Variants in NADK2 observed in about 807,000 individuals in gnomAD.
The protein encoded by NADK2 is NAD kinase domain-containing protein 1, mitochondrial.
In NADK2, 35 loss-of-function variants were observed where a neutral mutation model predicts 62.1. The ratio of observed to expected loss-of-function variants is 0.56; its 90% confidence interval spans 0.43 to 0.75. The LOEUF (loss-of-function observed/expected upper bound fraction) is 0.75. NADK2 is among the 30% of genes least tolerant of loss of function. The pLI, the probability that NADK2 is intolerant of heterozygous loss-of-function variation, is 0.00. For missense variants in NADK2, 439 were observed against 561.3 expected, an observed-to-expected ratio of 0.78 and a Z score of 2.20; for synonymous variants, 205 against 207.9, an observed-to-expected ratio of 0.99 and a Z score of 0.12.
At chr5:36,233,371 C>T (rs918039996) in intron 1 of NADK2, among the ~76,000 whole-genome samples, 1 of 152,146 alleles carries the variant, frequency 6.6e-6, no homozygotes, top group Non-Finnish European at 1.5e-5. Flanking sequence ...TCACCCAATT[C>T]CTATGGAGAA....
chr5:36,229,071 G>C (rs1747607720), intron 1 of NADK2, among the ~76,000 whole-genome samples: 1 of 152,058 alleles, frequency 6.6e-6, no homozygotes. Flanking sequence ...CATATTTAAA[G>C]AAAATTGAAA....
chr5:36,237,965 G>A (rs1304993562), intron 1 of NADK2, among the ~76,000 whole-genome samples: 1 of 152,140 alleles, frequency 6.6e-6, no homozygotes, highest in Admixed American at 6.5e-5. Flanking sequence ...GGGAGCTTCT[G>A]TGGAGTTCCA....
intron 6 of NADK2, chr5:36,212,317 G>A (rs1205043983): frequency 6.5e-6 from 1 of 153,334 alleles, no homozygotes; most frequent in Non-Finnish European, 1.5e-5. Flanking sequence ...TGCATGGCTT[G>A]GATGATGGAA....
chr5:36,197,432 T>G, intron 11 of NADK2, 109 bp downstream of exon 11: 1 of 1,417,458 alleles, frequency 7.1e-7, no homozygotes, highest in South Asian at 1.2e-5. Context: ...TCCTGCTAGA[T>G]TAAGTTTGAA....
rs1384736246 is a variant in NADK2 at position 36,207,985 on chromosome 5, T to C, written c.861-720A>G. On this transcript the variant is annotated intron_variant, in intron 7 of 11. Transcript: ENST00000381937. ...TGATTTGTAACTATTCAAAGAACTT[T>C]TGCAATGTCTAAAAGCCTATTTTGT... 2.0e-5 allele frequency among the ~76,000 whole-genome samples: 3 copies of C among 152,160 alleles called. No individual in the cohort carries two copies. The East Asian group carries it at 5.8e-4, about 29-fold the overall frequency.
In NADK2 at chr5:36,227,503, A is replaced by C. The variant is rs1482987950; in HGVS notation, c.363T>G (p.Asn121Lys). Residue 121 changes from asparagine (N) to lysine (K), a missense_variant, in exon 2 of 12, where the codon AAT becomes AAG. Asn to Lys is a moderately conservative substitution (Grantham distance 94). Transcript: ENST00000381937. ...LLERHHIHTK[N>K]VEHIIDSLRN... The stretch of plus-strand genomic sequence containing the variant: ...GTAAACTATCTATAATATGTTCTAC[A>C]TTTTTGGTGTGAATATGATGTCGTT... 2.6e-6 allele frequency: 4 copies of C among 1,549,946 alleles called. No homozygotes were observed. The highest frequency in any genetic ancestry group is 3.4e-4 in the Middle Eastern group (2 of 5,954).
At chr5:36,233,062 A>G (rs1410210016) in intron 1 of NADK2, among the ~76,000 whole-genome samples, 1 of 152,138 alleles carries the variant, frequency 6.6e-6, no homozygotes, top group African/African-American at 2.4e-5. Flanking sequence ...CTCACACTCA[A>G]TGTCCACAGC....
At chr5:36,229,141 C>T in intron 1 of NADK2, among the ~76,000 whole-genome samples, 1 of 152,174 alleles carries the variant, frequency 6.6e-6, no homozygotes, top group East Asian at 1.9e-4. Context: ...CTACCTTCCC[C>T]ATCTTTTGCC....
chr5:36,221,225 G>A (rs569033710), intron 4 of NADK2: 1 of 152,270 alleles, frequency 6.6e-6, no homozygotes, highest in East Asian at 1.9e-4. Flanking sequence ...CAGAAGAGAT[G>A]GATAGAAATT....
chr5:36,236,867 C>CAAAAAAAA (rs5867308), intron 1 of NADK2, among the ~76,000 whole-genome samples: 1 of 95,706 alleles, frequency 1.0e-5, no homozygotes, highest in Non-Finnish European at 2.0e-5. Context: ...AGCTTAACCT[C>CAAAAAAAA]AAAAAAAAAA....
At chr5:36,201,060 C>G in intron 9 of NADK2, 46 bp downstream of exon 9, 1 of 1,545,870 alleles carries the variant, frequency 6.5e-7, no homozygotes, top group East Asian at 2.2e-5. Context: ...GAACTTGTCC[C>G]CTGCGGATAA....
At chr5:36,224,833 C>T (rs1467834202) in intron 4 of NADK2, among the ~76,000 whole-genome samples, 2 of 151,938 alleles carry the variant, frequency 1.3e-5, no homozygotes, top group East Asian at 1.9e-4. Context: ...GTAAATATCA[C>T]GAAGCTAAGG....
At chr5:36,211,617 A>G (rs1304100343) in intron 7 of NADK2, among the ~76,000 whole-genome samples, 1 of 152,126 alleles carries the variant, frequency 6.6e-6, no homozygotes, top group African/African-American at 2.4e-5. Context: ...ACAGTACAAT[A>G]ACTTTATTTA....
At chr5:36,217,905 G>A (rs1344698175) in intron 5 of NADK2, 21 bp from the exon 6 acceptor site, 1 of 1,605,582 alleles carries the variant, frequency 6.2e-7, no homozygotes, top group Non-Finnish European at 8.5e-7. Context: ...TGAAGAAAAG[G>A]CAAATTATGT....
chr5:36,228,533 T>A (rs1288998911), intron 1 of NADK2, among the ~76,000 whole-genome samples: 1 of 152,110 alleles, frequency 6.6e-6, no homozygotes, highest in Non-Finnish European at 1.5e-5. Flanking sequence ...ACCAAGTAGA[T>A]GAGATTATAG....
intron 4 of NADK2, among the ~76,000 whole-genome samples, chr5:36,223,461 A>G (rs1747350954): frequency 6.6e-6 from 1 of 152,212 alleles, no homozygotes; most frequent in Admixed American, 6.5e-5. Flanking sequence ...GGCCCAGAGC[A>G]CAATATGTAA....
At position 36,192,989 on chromosome 5, in the gene NADK2, T is replaced by C. The variant is rs769085431; in HGVS notation, c.*2155A>G. The C allele has an allele frequency of 2.0e-5, 3 of 152,192 alleles. No individual in the cohort carries two copies. Among genetic ancestry groups the C allele is most frequent in the Non-Finnish European group, 4.4e-5 (3 of 68,020 alleles). 9.4% of individuals were successfully genotyped at this position (152,192 alleles called of 1,614,324 possible). A position where few individuals can be genotyped will look rare whatever the true frequency, so the allele number is the denominator to read the frequency against. ...TTCCTTTGCCTCTTATTCTTACAAATAAACCCCCATCACAGAGCAGAAATG... is the reference window on the plus strand; with the variant it reads ...TTCCTTTGCCTCTTATTCTTACAAACAAACCCCCATCACAGAGCAGAAATG... On this transcript the variant is annotated 3_prime_UTR_variant, in exon 12 of 12. Transcript: ENST00000381937.
At chr5:36,235,861 A>G (rs1030387202) in intron 1 of NADK2, among the ~76,000 whole-genome samples, 12 of 146,682 alleles carry the variant, frequency 8.2e-5, no homozygotes, top group Non-Finnish European at 1.6e-4. Context: ...TGCATAATCC[A>G]TATCTAGTGG....
rs1043531803 is a variant in NADK2, at chr5:36,219,693, G to A, written c.561-14C>T. On this transcript the variant is annotated splice_polypyrimidine_tract_variant and intron_variant, in intron 4 of 11. Transcript: ENST00000381937. ...TGACCCTCAGACCTATATTTTAACA[G>A]GAATTTTTTGGTGATATAAAGAGGA... 1 of 1,604,668 alleles carries A rather than the reference G, an allele frequency of 6.2e-7. No homozygotes were observed. Among genetic ancestry groups the A allele is most frequent in the African/African-American group, 1.3e-5 (1 of 74,588 alleles).
Sources: allele counts gnomAD v4.1 joint callset (sites outside exome capture counted in the v4.1 genomes callset), GRCh38; gene constraint gnomAD v4.1.1; transcripts MANE v1.5; gene names NCBI Gene and HGNC (gene_info 2026-07-23, HGNC 2026-07-21).